Variants in CSMD1 observed in about 807,000 individuals in gnomAD.
CSMD1 encodes the protein CUB and Sushi multiple domains 1, also known as CUB and sushi domain-containing protein 1.
In CSMD1, 213 loss-of-function variants were observed where a neutral mutation model predicts 417.5. The ratio of observed to expected loss-of-function variants is 0.51; its 90% CI spans 0.46 to 0.57. The LOEUF (loss-of-function observed/expected upper bound fraction) is 0.57. Among genes scored for constraint, CSMD1 ranks in the 20% least tolerant of loss-of-function variants. The pLI is 0.00. For synonymous variants in CSMD1, 2,862 were observed against 1,736.8 expected (o/e 1.65, Z -16.11); for missense variants, 6,923 against 4,529.7 (o/e 1.53, Z -15.17).
chr8:4,636,055 T>C (rs1187461791), intron 2 of CSMD1, among the ~76,000 whole-genome samples: 1 of 152,034 alleles, frequency 6.6e-6, no homozygotes, highest in Non-Finnish European at 1.5e-5. Context: ...ATGTAGCATA[T>C]ATTGACATAT....
intron 10 of CSMD1, among the ~76,000 whole-genome samples, chr8:3,574,673 A>G (rs752455289): frequency 3.3e-5 from 5 of 152,252 alleles, no homozygotes; most frequent in Admixed American, 2.6e-4. Flanking sequence ...TGAAAAAGAC[A>G]TAAGAGAAAG....
chr8:3,403,804 C>T (rs1192502337), intron 15 of CSMD1, among the ~76,000 whole-genome samples: 1 of 152,204 alleles, frequency 6.6e-6, no homozygotes, highest in Non-Finnish European at 1.5e-5. Flanking sequence ...TTGAGCACCA[C>T]ATGTGTATAT....
rs1317009143 is a variant in CSMD1 at position 4,398,385 on chromosome 8, C to CTTTTTTT, written c.415+21567_415+21568insAAAAAAA. Among the ~76,000 whole-genome samples, 370 of 118,068 alleles carry CTTTTTTT rather than the reference C, an allele frequency of 3.1e-3. 15 individuals carry two copies. The highest frequency in any genetic ancestry group is 5.7e-3 in the Middle Eastern group (1 of 176). 77.5% of individuals were successfully genotyped at this position (118,068 alleles called of 152,430 possible). ...CTCTTTTTAAATTGTCTTGCTGCAACTTCTTTTTTTTTTTTTTTTTTTTGT... is the reference window on the plus strand; with the variant it reads ...CTCTTTTTAAATTGTCTTGCTGCAACTTTTTTTTTCTTTTTTTTTTTTTTTTTTTTGT... On this transcript the variant is annotated intron_variant, in intron 3 of 69. Transcript: ENST00000635120.
intron 3 of CSMD1, among the ~76,000 whole-genome samples, chr8:4,034,870 G>T (rs1797534739): frequency 6.6e-6 from 1 of 152,072 alleles, no homozygotes; most frequent in Non-Finnish European, 1.5e-5. Flanking sequence ...GGTTATCAAT[G>T]GAAATCTATC....
chr8:4,296,868 C>G (rs1797716694), intron 3 of CSMD1, among the ~76,000 whole-genome samples: 2 of 151,840 alleles, frequency 1.3e-5, no homozygotes, highest in South Asian at 4.1e-4. Flanking sequence ...TTGTCTTAGA[C>G]TCCCAATTTT....
In CSMD1 at chr8:3,455,045, G is replaced by A. The variant is rs199571880; in HGVS notation, c.1561+13667C>T. ...CTTTTTTCTCTAAACTTCTCCTCTC[G>A]CTTCATTTCATTCATTTGATCTTCC... On this transcript the variant is annotated intron_variant, in intron 12 of 69. Coordinates refer to ENST00000635120, the MANE Select transcript of CSMD1 (RefSeq NM_033225.6). Among the ~76,000 whole-genome samples the A allele has an allele frequency of 1.1e-4, 17 of 152,014 alleles. No homozygotes were observed. The East Asian group carries it at 1.2e-3, about 10-fold the overall frequency.
At chr8:3,594,411 AT>A (rs143450115) in intron 8 of CSMD1, among the ~76,000 whole-genome samples, 109 of 150,852 alleles carry the variant, frequency 7.2e-4, no homozygotes, top group African/African-American at 1.2e-3. Context: ...CATAGAATGT[AT>A]TTTTTTTTTC....
rs7813641 is a variant in CSMD1, at chr8:3,343,455, T to C, written c.3475-5A>G. On this transcript the variant is annotated splice_polypyrimidine_tract_variant and splice_region_variant and intron_variant, in intron 22 of 69. Coordinates refer to ENST00000635120, the MANE Select transcript of CSMD1 (RefSeq NM_033225.6). ...ACTGTCTTTTCCATCATATACCTGA[T>C]GAAAATTCACAGCATGAGTCCCTCT... 61 of 1,611,070 alleles carry C rather than the reference T, an allele frequency of 3.8e-5. No homozygotes were observed. The highest frequency in any genetic ancestry group is 4.8e-5 in the Non-Finnish European group (57 of 1,177,824).
At chr8:4,388,500 T>G (rs1803622055) in intron 3 of CSMD1, among the ~76,000 whole-genome samples, 1 of 149,136 alleles carries the variant, frequency 6.7e-6, no homozygotes, top group South Asian at 2.1e-4. Context: ...GGAGGTAAGT[T>G]GTGAGCATAC....
At chr8:4,242,973 T>G (rs1433601921) in intron 3 of CSMD1, among the ~76,000 whole-genome samples, 2 of 152,170 alleles carry the variant, frequency 1.3e-5, no homozygotes, top group Non-Finnish European at 2.9e-5. Flanking sequence ...GTTTAAAATT[T>G]TATGTGTAGT....
intron 51 of CSMD1, among the ~76,000 whole-genome samples, chr8:3,022,222 G>A (rs535585337): frequency 6.7e-6 from 1 of 150,374 alleles, no homozygotes; most frequent in Admixed American, 6.6e-5. Context: ...CACAGCATCC[G>A]GAATACACCC....
intron 5 of CSMD1, among the ~76,000 whole-genome samples, chr8:3,854,187 G>C (rs985232566): frequency 1.4e-5 from 2 of 147,356 alleles, no homozygotes; most frequent in African/African-American, 4.9e-5. Flanking sequence ...TCTTGGAAAT[G>C]GACCAATTCT....
intron 2 of CSMD1, among the ~76,000 whole-genome samples, chr8:4,608,665 T>C (rs1390416678): frequency 6.6e-6 from 1 of 152,220 alleles, no homozygotes; most frequent in African/African-American, 2.4e-5. Flanking sequence ...TATTAAGCAA[T>C]GTCCTAAAGT....
chr8:4,033,039 T>C lies in CSMD1; in HGVS notation c.416-940A>G, dbSNP rs570401423. Among the ~76,000 whole-genome samples the C allele has an allele frequency of 9.0e-4, 135 of 150,496 alleles. 2 individuals carry two copies. The highest frequency in any genetic ancestry group is 3.2e-3 in the African/African-American group (133 of 40,932). ...TGTATGCATGATAAAAACATTGGTC[T>C]CTTCAATACTTTCTTCTAACCCAGA... On this transcript the variant is annotated intron_variant, in intron 3 of 69. Transcript: ENST00000635120.
At chr8:3,518,673 C>G (rs1025941366) in intron 10 of CSMD1, among the ~76,000 whole-genome samples, 1 of 152,100 alleles carries the variant, frequency 6.6e-6, no homozygotes, top group Non-Finnish European at 1.5e-5. Context: ...TGAGAAACAA[C>G]TAATCATGCC....
chr8:3,532,880 AT>A (rs1046908150), intron 10 of CSMD1, among the ~76,000 whole-genome samples: 4 of 152,178 alleles, frequency 2.6e-5, no homozygotes, highest in African/African-American at 4.8e-5. Flanking sequence ...ACTGAGATCT[AT>A]TTTTTAATCA....
chr8:4,591,160 G>T (rs975162850), intron 2 of CSMD1, among the ~76,000 whole-genome samples: 1 of 152,200 alleles, frequency 6.6e-6, no homozygotes, highest in Non-Finnish European at 1.5e-5. Context: ...TGTGTGTTGA[G>T]TGCTTACTGT....
rs77224541 is a variant in CSMD1, at chr8:3,753,496, T to C, written c.931+434A>G. 3.5e-3 allele frequency among the ~76,000 whole-genome samples: 536 copies of C among 152,314 alleles called. 4 individuals carry two copies. Among genetic ancestry groups the C allele is most frequent in the African/African-American group, 0.011 (462 of 41,558 alleles). On this transcript the variant is annotated intron_variant, in intron 6 of 69. Transcript: ENST00000635120. Reference sequence around the variant, plus strand: ...GATTCATTGTGTGTAAATTACTGAATCATGCATTTATGTGGTGTGAAGACC... The same window carrying C: ...GATTCATTGTGTGTAAATTACTGAACCATGCATTTATGTGGTGTGAAGACC...
chr8:3,229,107 A>G (rs764045105), intron 27 of CSMD1, among the ~76,000 whole-genome samples: 2 of 152,144 alleles, frequency 1.3e-5, no homozygotes, highest in Non-Finnish European at 2.9e-5. Context: ...CCCCAAGACC[A>G]CTGAGAATTT....
Sources: allele counts gnomAD v4.1 joint callset (sites outside exome capture counted in the v4.1 genomes callset), GRCh38; gene constraint gnomAD v4.1.1; transcripts MANE v1.5; gene names NCBI Gene and HGNC (gene_info 2026-07-23, HGNC 2026-07-21).